Variants in ATP8B4 observed in about 807,000 individuals in gnomAD.
ATP8B4 encodes the protein probable phospholipid-transporting ATPase IM.
ATP8B4 carries 133 observed loss-of-function variants against 145.6 expected under a neutral mutation model. The ratio of observed to expected loss-of-function variants is 0.91; its 90% CI spans 0.79 to 1.05. The LOEUF (loss-of-function observed/expected upper bound fraction) is 1.05. ATP8B4 is among the 50% of genes least tolerant of loss of function. The pLI, the probability that ATP8B4 is intolerant of heterozygous loss-of-function variation, is 0.00. For synonymous variants in ATP8B4, 507 were observed against 492.9 expected (o/e 1.03, Z -0.38); for missense variants, 1,458 against 1,425.2 (o/e 1.02, Z -0.37).
intron 1 of ATP8B4, among the ~76,000 whole-genome samples, chr15:50,144,856 C>G (rs2044256759): frequency 6.6e-6 from 1 of 152,096 alleles, no homozygotes; most frequent in Admixed American, 6.6e-5. Context: ...TTCACTTACT[C>G]CTGGAAGCCG....
intron 20 of ATP8B4, among the ~76,000 whole-genome samples, chr15:49,903,828 A>T (rs1398710425): frequency 6.6e-6 from 1 of 151,862 alleles, no homozygotes; most frequent in South Asian, 2.1e-4. Context: ...TGGGAGGCGG[A>T]GGTTGCAGTG....
At chr15:49,967,705 A>G (rs1266596137) in intron 13 of ATP8B4, among the ~76,000 whole-genome samples, 4 of 152,230 alleles carry the variant, frequency 2.6e-5, no homozygotes, top group Non-Finnish European at 5.9e-5. Context: ...ACCCTTCAGG[A>G]TATTATCCAG....
intron 26 of ATP8B4, among the ~76,000 whole-genome samples, chr15:49,862,804 G>A (rs1222750990): frequency 6.6e-6 from 1 of 152,184 alleles, no homozygotes. Flanking sequence ...TCACCATGAT[G>A]ATAAGAAGGC....
intron 1 of ATP8B4, among the ~76,000 whole-genome samples, chr15:50,118,470 C>A (rs1289124091): frequency 6.6e-6 from 1 of 152,200 alleles, no homozygotes; most frequent in Non-Finnish European, 1.5e-5. Context: ...TGTTGGTAAT[C>A]CCACAAGAAA....
intron 12 of ATP8B4, among the ~76,000 whole-genome samples, chr15:49,978,511 T>A (rs1307154618): frequency 6.6e-6 from 1 of 152,104 alleles, no homozygotes; most frequent in Non-Finnish European, 1.5e-5. Context: ...CCTTGCTTCA[T>A]CATAGCTAGG....
At chr15:49,917,080 A>T (rs1438970023) in intron 19 of ATP8B4, 41 bp from the exon 20 acceptor site, 1 of 1,583,758 alleles carries the variant, frequency 6.3e-7, no homozygotes, top group Non-Finnish European at 8.7e-7. Flanking sequence ...AATGTTACTT[A>T]ATAACCTAAG....
chr15:50,036,358 C>T (rs1027337713), intron 6 of ATP8B4, among the ~76,000 whole-genome samples: 5 of 152,138 alleles, frequency 3.3e-5, no homozygotes, highest in African/African-American at 9.7e-5. Context: ...GTTTGACGCT[C>T]GTGCGCCAGT....
chr15:49,989,529 G>T (rs2046887944), intron 9 of ATP8B4, among the ~76,000 whole-genome samples: 1 of 152,112 alleles, frequency 6.6e-6, no homozygotes, highest in Non-Finnish European at 1.5e-5. Context: ...CATAAGCAAA[G>T]ACTGACATGG....
intron 3 of ATP8B4, among the ~76,000 whole-genome samples, chr15:50,065,854 G>A (rs1041335080): frequency 6.6e-6 from 1 of 151,984 alleles, no homozygotes; most frequent in East Asian, 1.9e-4. Context: ...CAAAGCAGAT[G>A]GAATGGGAAC....
At chr15:50,166,940 A>G (rs1176317226) in intron 1 of ATP8B4, among the ~76,000 whole-genome samples, 1 of 152,210 alleles carries the variant, frequency 6.6e-6, no homozygotes, top group Non-Finnish European at 1.5e-5. Flanking sequence ...TTACCACAAC[A>G]GTAAGTGATC....
At chr15:50,072,403 G>A (rs921989706) in intron 3 of ATP8B4, among the ~76,000 whole-genome samples, 2 of 152,126 alleles carry the variant, frequency 1.3e-5, no homozygotes, top group Admixed American at 1.3e-4. Context: ...CTTACACAGA[G>A]TCATAGAAGA....
intron 23 of ATP8B4, among the ~76,000 whole-genome samples, chr15:49,891,188 A>G (rs1452156299): frequency 1.3e-5 from 2 of 151,848 alleles, no homozygotes; most frequent in African/African-American, 4.8e-5. Flanking sequence ...TCTCCACTTA[A>G]TTTTTAAAAT....
At chr15:50,039,921 A>G (rs886729332) in intron 5 of ATP8B4, among the ~76,000 whole-genome samples, 1 of 152,246 alleles carries the variant, frequency 6.6e-6, no homozygotes, top group African/African-American at 2.4e-5. Flanking sequence ...GCTGTTTAGC[A>G]TTTGTTAACA....
chr15:49,928,743 G>A (rs1480757130), intron 16 of ATP8B4, among the ~76,000 whole-genome samples: 1 of 152,070 alleles, frequency 6.6e-6, no homozygotes, highest in Non-Finnish European at 1.5e-5. Context: ...ATTAAAAAGG[G>A]GTTTATGAGG....
intron 5 of ATP8B4, among the ~76,000 whole-genome samples, chr15:50,043,776 AC>A: frequency 6.6e-6 from 1 of 150,600 alleles, no homozygotes; most frequent in East Asian, 2.0e-4. Context: ...ACAAGGTGAA[AC>A]CCCGTCTCTA....
chr15:50,035,345 T>C (rs1403177677), intron 6 of ATP8B4, among the ~76,000 whole-genome samples: 2 of 152,226 alleles, frequency 1.3e-5, no homozygotes, highest in Non-Finnish European at 2.9e-5. Flanking sequence ...ACTACATATA[T>C]ATTACATAAT....
chr15:49,860,231 A>C lies in ATP8B4; in HGVS notation c.3542T>G (p.Val1181Gly). ...ENLCKKTTDTVSSFSQDKTVK... is the reference protein window; with the variant it reads ...ENLCKKTTDTGSSFSQDKTVK... ...TGTTTTATCCTGGCTAAAGCTGCTCACGGTGTCTGTGGTTTTCTTACATAA... is the reference window on the plus strand; with the variant it reads ...TGTTTTATCCTGGCTAAAGCTGCTCCCGGTGTCTGTGGTTTTCTTACATAA... The change falls in exon 28 of 28, where the codon GTG becomes GGG. Residue 1181 changes from valine to glycine, a missense_variant. Val to Gly is a moderately radical substitution (Grantham distance 109). Transcript: ENST00000284509. 1 of 1,614,072 alleles carries C rather than the reference A, an allele frequency of 6.2e-7. No homozygotes were observed. The highest frequency in any genetic ancestry group is 8.5e-7 in the Non-Finnish European group (1 of 1,179,968).
intron 3 of ATP8B4, among the ~76,000 whole-genome samples, chr15:50,073,017 TATACACACACACACAC>T (rs1421066295): frequency 4.1e-4 from 13 of 31,642 alleles, no homozygotes; most frequent in African/African-American, 1.6e-3. Context: ...TATATATATA[TATACACACACACACAC>T]ACACACACAC....
intron 3 of ATP8B4, among the ~76,000 whole-genome samples, chr15:50,064,555 T>C (rs1489160772): frequency 2.0e-5 from 3 of 152,192 alleles, no homozygotes; most frequent in Admixed American, 2.0e-4. Flanking sequence ...TTGACAAATA[T>C]ATAGCCCAAG....
Sources: allele counts gnomAD v4.1 joint callset (sites outside exome capture counted in the v4.1 genomes callset), GRCh38; gene constraint gnomAD v4.1.1; transcripts MANE v1.5; gene names NCBI Gene and HGNC (gene_info 2026-07-23, HGNC 2026-07-21).